Variants in ARHGAP42 observed in about 807,000 individuals in gnomAD.
ARHGAP42 encodes the protein rho GTPase-activating protein 42.
ARHGAP42 carries 63 observed loss-of-function variants against 125.0 expected under a neutral mutation model. The observed-to-expected ratio is 0.50, with a 90% CI of 0.41 to 0.62. The LOEUF (loss-of-function observed/expected upper bound fraction) is 0.62, where lower values mean the gene tolerates loss of function less well. ARHGAP42 is among the 20% of genes least tolerant of loss of function. The pLI is 0.00. For missense variants in ARHGAP42, 766 were observed against 1,024.2 expected, an observed-to-expected ratio of 0.75 and a Z score of 3.44; for synonymous variants, 339 against 351.0, an observed-to-expected ratio of 0.97 and a Z score of 0.38.
chr11:100,965,639 C>G, intron 16 of ARHGAP42, 32 bp from the exon 17 acceptor site: 1 of 1,516,866 alleles, frequency 6.6e-7, no homozygotes, highest in Non-Finnish European at 9.0e-7. Context: ...GGAATTAAAA[C>G]TTGAGCATTT....
At position 100,905,456 on chromosome 11, in the gene ARHGAP42, A is replaced by C. The variant is rs190777444; in HGVS notation, c.385-7996A>C. Among the ~76,000 whole-genome samples, 375 of 152,280 alleles carry C rather than the reference A, an allele frequency of 2.5e-3. 5 individuals carry two copies. Among genetic ancestry groups the C allele is most frequent in the Non-Finnish European group, 5.3e-4 (36 of 68,018 alleles). ...CAGTAGCACAACCACTACTACTTCAAACATATTTCCCTTCCTGCTACCTTC... is the reference window on the plus strand; with the variant it reads ...CAGTAGCACAACCACTACTACTTCACACATATTTCCCTTCCTGCTACCTTC... On this transcript the variant is annotated intron_variant, in intron 4 of 23. Coordinates refer to ENST00000298815, the MANE Select transcript of ARHGAP42 (RefSeq NM_152432.4).
chr11:100,845,730 C>CACCGTCTTGCCCTT (rs1865051460), intron 3 of ARHGAP42, among the ~76,000 whole-genome samples: 1 of 152,046 alleles, frequency 6.6e-6, no homozygotes, highest in Non-Finnish European at 1.5e-5. Flanking sequence ...GTCTTGCCCT[C>CACCGTCTTGCCCTT]GTTTTCACCT....
chr11:100,975,004 G>C (rs1858351468), intron 19 of ARHGAP42, among the ~76,000 whole-genome samples: 1 of 152,040 alleles, frequency 6.6e-6, no homozygotes, highest in African/African-American at 2.4e-5. Flanking sequence ...GTGTCTGAAA[G>C]AGAAAAGATA....
At chr11:100,889,484 T>C (rs185310838) in intron 4 of ARHGAP42, among the ~76,000 whole-genome samples, 33 of 152,282 alleles carry the variant, frequency 2.2e-4, no homozygotes, top group African/African-American at 7.5e-4. Flanking sequence ...ACTGCCTTCA[T>C]CTTGGACTTC....
intron 4 of ARHGAP42, among the ~76,000 whole-genome samples, chr11:100,866,604 G>A (rs1313122571): frequency 6.6e-6 from 1 of 152,122 alleles, no homozygotes; most frequent in Non-Finnish European, 1.5e-5. Flanking sequence ...TGGGGGAAGG[G>A]GAAGCTATCA....
intron 1 of ARHGAP42, among the ~76,000 whole-genome samples, chr11:100,765,378 G>A (rs1862805769): frequency 1.3e-5 from 2 of 152,142 alleles, no homozygotes; most frequent in African/African-American, 4.8e-5. Flanking sequence ...GTGGTGAACT[G>A]GGGATTCTGG....
chr11:100,717,359 C>T lies in ARHGAP42; in HGVS notation c.154+29527C>T, dbSNP rs140823204. Among the ~76,000 whole-genome samples, 755 of 152,152 alleles carry T rather than the reference C, an allele frequency of 5.0e-3. 6 individuals are homozygous for T. Among genetic ancestry groups the T allele is most frequent in the African/African-American group, 0.017 (726 of 41,524 alleles). On this transcript the variant is annotated intron_variant, in intron 1 of 23. Coordinates refer to ENST00000298815, the MANE Select transcript of ARHGAP42 (RefSeq NM_152432.4). ...AGTAAAAAAGATACCATATATAGGCCGGGCGCGGTGGCTCATGCCTGTAAT... is the reference window on the plus strand; with the variant it reads ...AGTAAAAAAGATACCATATATAGGCTGGGCGCGGTGGCTCATGCCTGTAAT...
intron 1 of ARHGAP42, 50 bp downstream of exon 1, chr11:100,687,882 C>A (rs931626165): frequency 1.3e-6 from 2 of 1,492,750 alleles, no homozygotes; most frequent in African/African-American, 1.4e-5. Context: ...AGAGTCCCCG[C>A]GGGGTGCGGG....
rs548772955 is a variant in ARHGAP42, at chr11:100,898,045, T to C, written c.385-15407T>C. ...TACCTAGTTTATTGAGAGTTTTCAGTATGAAGGGCTGCTGAATTTTGTCAA... is the reference window on the plus strand; with the variant it reads ...TACCTAGTTTATTGAGAGTTTTCAGCATGAAGGGCTGCTGAATTTTGTCAA... On this transcript the variant is annotated intron_variant, in intron 4 of 23. Transcript: ENST00000298815. Among the ~76,000 whole-genome samples the C allele has an allele frequency of 2.4e-4, 36 of 152,218 alleles. 1 individual carries two copies. In the South Asian group the frequency reaches 7.1e-3, roughly 30 times the overall value.
chr11:100,989,242 T>A lies in ARHGAP42; in HGVS notation c.*441T>A, dbSNP rs910102550. 3 of 383,890 alleles carry A rather than the reference T, an allele frequency of 7.8e-6. No individual in the cohort carries two copies. The highest frequency in any genetic ancestry group is 2.2e-5 in the African/African-American group (1 of 44,886). The allele number at this position is 383,890 out of a possible 1,614,324, so 23.8% of individuals were successfully genotyped here. A position where few individuals can be genotyped will look rare whatever the true frequency, so the allele number is the denominator to read the frequency against. Reference sequence around the variant, plus strand: ...TGTAATTTAAATTGTTCATTTATTGTTTTTTTTTTCTTAGAAATATACTGC... The same window carrying A: ...TGTAATTTAAATTGTTCATTTATTGATTTTTTTTTCTTAGAAATATACTGC... On this transcript the variant is annotated 3_prime_UTR_variant, in exon 24 of 24. Coordinates refer to ENST00000298815, the MANE Select transcript of ARHGAP42 (RefSeq NM_152432.4).
chr11:100,921,475 C>T lies in ARHGAP42; in HGVS notation c.487-19C>T. On this transcript the variant is annotated intron_variant, in intron 5 of 23. Transcript: ENST00000298815. ...CTATGTAGAACCATCAGTAATCACCCTCTGGTTTTTCTCTTTAGGCAGATA... is the reference window on the plus strand; with the variant it reads ...CTATGTAGAACCATCAGTAATCACCTTCTGGTTTTTCTCTTTAGGCAGATA... 2.7e-6 allele frequency: 4 copies of T among 1,493,904 alleles called. No individual in the cohort carries two copies. The highest frequency in any genetic ancestry group is 3.6e-6 in the Non-Finnish European group (4 of 1,102,212). 92.5% of individuals were successfully genotyped at this position (1,493,904 alleles called of 1,614,324 possible).
rs1336361766 is a variant in ARHGAP42, at chr11:100,804,436, G to T, written c.312+9270G>T. Among the ~76,000 whole-genome samples the T allele has an allele frequency of 4.0e-5, 6 of 151,832 alleles. No homozygotes were observed. The East Asian group carries it at 1.2e-3, about 29-fold the overall frequency. On this transcript the variant is annotated intron_variant, in intron 3 of 23. Transcript: ENST00000298815. ...AATTTAAATAATATTTTCTTTATAA[G>T]ACTATTAAGGCCTCTGTTTTTCTTT...
chr11:100,688,008 C>CTT (rs1157378428), intron 1 of ARHGAP42, 176 bp downstream of exon 1: 10 of 617,750 alleles, frequency 1.6e-5, no homozygotes, highest in Non-Finnish European at 2.6e-5. Flanking sequence ...GTGTTCTTTA[C>CTT]TTACTCACAT....
At chr11:100,777,004 C>T (rs1170138242) in intron 2 of ARHGAP42, among the ~76,000 whole-genome samples, 2 of 146,568 alleles carry the variant, frequency 1.4e-5, no homozygotes, top group Admixed American at 6.8e-5. Context: ...AAAAAAAACA[C>T]GAAGAGCATG....
At chr11:100,771,240 A>C (rs904627405) in intron 2 of ARHGAP42, among the ~76,000 whole-genome samples, 1 of 152,202 alleles carries the variant, frequency 6.6e-6, no homozygotes, top group Non-Finnish European at 1.5e-5. Context: ...GTCCCTGGGG[A>C]AACCATGCTC....
At chr11:100,978,699 A>G (rs2135324238) in intron 21 of ARHGAP42, among the ~76,000 whole-genome samples, 1 of 152,296 alleles carries the variant, frequency 6.6e-6, no homozygotes, top group South Asian at 2.1e-4. Flanking sequence ...TAGAGAGAAA[A>G]TGTTCCTTTT....
intron 1 of ARHGAP42, among the ~76,000 whole-genome samples, chr11:100,757,327 A>G (rs1018153098): frequency 6.6e-6 from 1 of 152,168 alleles, no homozygotes; most frequent in Non-Finnish European, 1.5e-5. Flanking sequence ...TTGTTTGGGT[A>G]AGTCACTTAA....
At position 100,949,963 on chromosome 11, in the gene ARHGAP42, C is replaced by T; in HGVS notation, c.1162+7C>T. On this transcript the variant is annotated splice_region_variant and intron_variant, in intron 12 of 23. Coordinates refer to ENST00000298815, the MANE Select transcript of ARHGAP42 (RefSeq NM_152432.4). ...ATAAGCAAGAAAGAAGAAAGTAAGTCATTTTAATAGTTATTTAAAATTTTA... is the reference window on the plus strand; with the variant it reads ...ATAAGCAAGAAAGAAGAAAGTAAGTTATTTTAATAGTTATTTAAAATTTTA... 7.1e-7 allele frequency: 1 copy of T among 1,416,776 alleles called. No homozygotes were observed. Among genetic ancestry groups the T allele is most frequent in the Non-Finnish European group, 9.7e-7 (1 of 1,035,468 alleles). The allele number at this position is 1,416,776 out of a possible 1,614,324, so 87.8% of individuals were successfully genotyped here.
intron 4 of ARHGAP42, among the ~76,000 whole-genome samples, chr11:100,905,847 G>A (rs928008797): frequency 2.0e-5 from 3 of 152,058 alleles, no homozygotes; most frequent in Admixed American, 6.6e-5. Context: ...GAATGGTGGC[G>A]CATGACTGTG....
Sources: allele counts gnomAD v4.1 joint callset (sites outside exome capture counted in the v4.1 genomes callset), GRCh38; gene constraint gnomAD v4.1.1; transcripts MANE v1.5; gene names NCBI Gene and HGNC (gene_info 2026-07-23, HGNC 2026-07-21).